RNF6: variants seen among roughly 807,000 people sequenced by gnomAD.
The protein encoded by RNF6 is E3 ubiquitin-protein ligase RNF6.
In RNF6, 21 loss-of-function variants were observed where a neutral mutation model predicts 50.1. The observed-to-expected ratio is 0.42, with a 90% CI of 0.30 to 0.60. RNF6 has a LOEUF of 0.60. Among genes scored for constraint, RNF6 ranks in the 20% least tolerant of loss-of-function variants. The pLI, the probability that RNF6 is intolerant of heterozygous loss-of-function variation, is 0.20. For synonymous variants in RNF6, 255 were observed against 291.8 expected, an observed-to-expected ratio of 0.87 and a Z score of 1.29; for missense variants, 698 against 838.2, an observed-to-expected ratio of 0.83 and a Z score of 2.07.
chr13:26,173,038 A>G (rs1043797750), intron 5 of RNF6, among the ~76,000 whole-genome samples: 5 of 152,238 alleles, frequency 3.3e-5, no homozygotes, highest in African/African-American at 1.2e-4. Flanking sequence ...GAGAACATGC[A>G]CAAACTCAGT....
At chr13:26,138,712 TC>T (rs1399080452) in intron 5 of RNF6, among the ~76,000 whole-genome samples, 2 of 152,138 alleles carry the variant, frequency 1.3e-5, no homozygotes, top group Non-Finnish European at 2.9e-5. Context: ...CTAATAGTAA[TC>T]CCCAAGCCAA....
At chr13:26,134,701 T>G (rs1196057317) in intron 5 of RNF6, among the ~76,000 whole-genome samples, 7 of 152,266 alleles carry the variant, frequency 4.6e-5, no homozygotes, top group Non-Finnish European at 8.8e-5. Flanking sequence ...CCCAAAGTTG[T>G]TTGTTGTTCT....
intron 5 of RNF6, among the ~76,000 whole-genome samples, chr13:26,139,812 A>T (rs949443633): frequency 4.6e-5 from 7 of 152,080 alleles, no homozygotes; most frequent in Non-Finnish European, 8.8e-5. Flanking sequence ...TTTTGTTGCT[A>T]TTTTAAGATG....
chr13:26,172,275 T>C (rs997328158), intron 5 of RNF6, among the ~76,000 whole-genome samples: 3 of 68,418 alleles, frequency 4.4e-5, no homozygotes, highest in Non-Finnish European at 1.2e-4. Flanking sequence ...GTTAGCACTA[T>C]GGAAAAAAAT....
Position 26,214,920 on chromosome 13 carries a change from G to C in RNF6, c.962C>G (p.Thr321Ser), listed in dbSNP as rs1183285438. ...SRSPIQRQSG[T>S]VYHNSQRESR... ...TTCCCTTTGGGAATTATGATAAACA[G>C]TGCCACTCTGTCTCTGAATTGGTGA... The change falls in exon 5 of 5, where the codon ACT becomes AGT. Residue 321 changes from threonine (T) to serine (S), a missense_variant. Physicochemically the swap from Thr to Ser is moderately conservative, Grantham distance 58 (BLOSUM62 1). Coordinates refer to ENST00000381588, the MANE Select transcript of RNF6 (RefSeq NM_005977.4). 1.2e-6 allele frequency: 2 copies of C among 1,614,216 alleles called. No individual in the cohort carries two copies. The highest frequency in any genetic ancestry group is 2.2e-5 in the South Asian group (2 of 91,084).
At chr13:26,132,124 GA>G in exon 6 of RNF6, 1 of 127,644 alleles carries the variant, frequency 7.8e-6, no homozygotes, top group Non-Finnish European at 1.6e-5. Flanking sequence ...CCATATTTAA[GA>G]ATGCTTTTTT....
chr13:26,201,154 AC>A (rs1868882536), intron 5 of RNF6, among the ~76,000 whole-genome samples: 1 of 152,172 alleles, frequency 6.6e-6, no homozygotes, highest in Non-Finnish European at 1.5e-5. Flanking sequence ...TTAACAATGG[AC>A]CCCACATTTT....
intron 5 of RNF6, among the ~76,000 whole-genome samples, chr13:26,200,361 A>C (rs1593183147): frequency 6.6e-6 from 1 of 151,658 alleles, no homozygotes; most frequent in African/African-American, 2.4e-5. Flanking sequence ...TGCTCAGATG[A>C]GCCCCACACT....
At position 26,214,635 on chromosome 13, in the gene RNF6, C is replaced by T. The variant is rs141555469; in HGVS notation, c.1247G>A (p.Ser416Asn). ...IRPGENRDRD[S>N]IANRTRSRVG... ...TCTGGATCGAGTTCTATTTGCAATACTATCCCGATCTCTATTTTCTCCAGG... is the reference window on the plus strand; with the variant it reads ...TCTGGATCGAGTTCTATTTGCAATATTATCCCGATCTCTATTTTCTCCAGG... Residue 416 changes from serine to asparagine, a missense_variant, in exon 5 of 5, where the codon AGT (serine) becomes AAT (asparagine). Physicochemically the swap from Ser to Asn is conservative, Grantham distance 46. Transcript: ENST00000381588. The T allele has an allele frequency of 6.2e-7, 1 of 1,614,232 alleles. No individual in the cohort carries two copies. The highest frequency in any genetic ancestry group is 8.5e-7 in the Non-Finnish European group (1 of 1,180,036).
At chr13:26,190,752 G>T (rs1185352517) in intron 5 of RNF6, among the ~76,000 whole-genome samples, 3 of 152,196 alleles carry the variant, frequency 2.0e-5, no homozygotes, top group African/African-American at 7.2e-5. Context: ...CTAGGCTCCA[G>T]CAATAAAATG....
At position 26,213,927 on chromosome 13, in the gene RNF6, T is replaced by C; in HGVS notation, c.1955A>G (p.His652Arg). The C allele has an allele frequency of 2.5e-6, 4 of 1,614,230 alleles. No homozygotes were observed. The highest frequency in any genetic ancestry group is 3.4e-6 in the Non-Finnish European group (4 of 1,180,032). The change falls in exon 5 of 5, where the codon CAT becomes CGT. Residue 652 changes from histidine to arginine, a missense_variant. Transcript: ENST00000381588. The stretch of plus-strand genomic sequence containing the variant: ...GTCAATACAATGAATGTGAAATTCA[T>C]GCATGCAAGGTAATTGCCTGAGCTT... Reference protein sequence around the residue: ...GNKLRQLPCMHEFHIHCIDRW... With the variant: ...GNKLRQLPCMREFHIHCIDRW...
chr13:26,152,089 ACTCTATC>A (rs1197734694), intron 5 of RNF6, among the ~76,000 whole-genome samples: 1 of 151,962 alleles, frequency 6.6e-6, no homozygotes, highest in African/African-American at 2.4e-5. Context: ...CTGCTTTTCC[ACTCTATC>A]CTATGTTACC....
chr13:26,221,171 ATAT>A (rs1232846265), intron 2 of RNF6, 74 bp downstream of exon 2: 1 of 152,218 alleles, frequency 6.6e-6, no homozygotes, highest in Non-Finnish European at 1.5e-5. Flanking sequence ...AGTTACCCTA[ATAT>A]TATTTAAAAC....
intron 5 of RNF6, among the ~76,000 whole-genome samples, chr13:26,162,005 T>C (rs1174759044): frequency 6.6e-6 from 1 of 152,226 alleles, no homozygotes; most frequent in Admixed American, 6.5e-5. Context: ...ATCTAGGCTA[T>C]ATGTATTATT....
Position 26,205,827 on chromosome 13 carries a change from C to A in RNF6, n.768+9647G>T, listed in dbSNP as rs933757204. ...CCAGGAGTTTGAGACCAGCCTGTCA[C>A]ATGTCGAAACCCTGTCTCTACAAAA... On this transcript the variant is annotated intron_variant and non_coding_transcript_variant, in intron 5 of 5. Transcript: ENST00000468480. 4.6e-5 allele frequency among the ~76,000 whole-genome samples: 7 copies of A among 152,272 alleles called. No individual in the cohort carries two copies. The South Asian group carries it at 6.2e-4, about 14-fold the overall frequency.
At chr13:26,175,349 G>C (rs1872905037) in intron 5 of RNF6, among the ~76,000 whole-genome samples, 1 of 152,132 alleles carries the variant, frequency 6.6e-6, no homozygotes, top group African/African-American at 2.4e-5. Flanking sequence ...CCAAAGTGCT[G>C]GGATTACAGG....
At chr13:26,150,738 AT>A (rs1393950071) in intron 5 of RNF6, 1 of 152,240 alleles carries the variant, frequency 6.6e-6, no homozygotes, top group Admixed American at 6.5e-5. Context: ...TTGAAAAAAA[AT>A]CAACAATAAT....
intron 5 of RNF6, among the ~76,000 whole-genome samples, chr13:26,139,203 C>T (rs1870805536): frequency 6.6e-6 from 1 of 152,074 alleles, no homozygotes; most frequent in Non-Finnish European, 1.5e-5. Flanking sequence ...CACACCAAGC[C>T]AATATTTCCC....
chr13:26,137,492 A>G (rs894545559), intron 5 of RNF6, among the ~76,000 whole-genome samples: 1 of 152,104 alleles, frequency 6.6e-6, no homozygotes, highest in Non-Finnish European at 1.5e-5. Context: ...AAAGCAATCA[A>G]TAGAAATTGT....
Sources: allele counts gnomAD v4.1 joint callset (sites outside exome capture counted in the v4.1 genomes callset), GRCh38; gene constraint gnomAD v4.1.1; transcripts MANE v1.5; gene names NCBI Gene and HGNC (gene_info 2026-07-23, HGNC 2026-07-21).